The following ANKH variants were observed in gnomAD, a reference collection of about 807,000 sequenced individuals.
ANKH encodes the protein mineralization regulator ANKH.
ANKH carries 15 observed loss-of-function variants against 49.0 expected under a neutral mutation model. The ratio of observed to expected loss-of-function variants is 0.31; its 90% confidence interval spans 0.20 to 0.47. ANKH has a LOEUF of 0.47. Ranked by LOEUF, ANKH falls within the 20% of genes least tolerant of loss-of-function variation. ANKH has a pLI of 1.00. For missense variants in ANKH, 429 were observed against 652.0 expected (o/e 0.66, Z 3.72); for synonymous variants, 273 against 260.0 (o/e 1.05, Z -0.48).
At chr5:14,838,614 C>T (rs963096120) in intron 1 of ANKH, among the ~76,000 whole-genome samples, 10 of 151,992 alleles carry the variant, frequency 6.6e-5, no homozygotes, top group Non-Finnish European at 1.3e-4. Flanking sequence ...TGCTTGGGGG[C>T]GCCAGAGAGG....
chr5:14,753,836 T>C (rs780930871), intron 4 of ANKH, among the ~76,000 whole-genome samples: 1 of 152,168 alleles, frequency 6.6e-6, no homozygotes, highest in Non-Finnish European at 1.5e-5. Flanking sequence ...CCTCGAGAAT[T>C]GCCATTGAAA....
At chr5:14,842,428 G>C (rs1054158212) in intron 1 of ANKH, among the ~76,000 whole-genome samples, 1 of 152,110 alleles carries the variant, frequency 6.6e-6, no homozygotes, top group Non-Finnish European at 1.5e-5. Context: ...AAGCCAGTTC[G>C]GCAATGTCTT....
intron 8 of ANKH, among the ~76,000 whole-genome samples, chr5:14,735,543 C>T (rs575077383): frequency 6.6e-6 from 1 of 152,176 alleles, no homozygotes; most frequent in African/African-American, 2.4e-5. Context: ...AACTGGGTGA[C>T]TCTGAGCAAC....
chr5:14,821,146 C>T (rs1225356580), intron 1 of ANKH, among the ~76,000 whole-genome samples: 1 of 151,636 alleles, frequency 6.6e-6, no homozygotes, highest in Non-Finnish European at 1.5e-5. Context: ...ATGCCAAGAC[C>T]TTATTAAAGC....
At chr5:14,864,322 G>A (rs1735583190) in intron 1 of ANKH, among the ~76,000 whole-genome samples, 1 of 152,174 alleles carries the variant, frequency 6.6e-6, no homozygotes, top group Non-Finnish European at 1.5e-5. Flanking sequence ...AGATAGATTA[G>A]TATCTAGGCT....
intron 6 of ANKH, among the ~76,000 whole-genome samples, chr5:14,748,935 T>C (rs900339559): frequency 1.3e-5 from 2 of 152,262 alleles, no homozygotes; most frequent in Non-Finnish European, 2.9e-5. Flanking sequence ...GTTCCTCATA[T>C]GATAAACAAG....
At chr5:14,832,332 A>C (rs1226199896) in intron 1 of ANKH, among the ~76,000 whole-genome samples, 1 of 152,224 alleles carries the variant, frequency 6.6e-6, no homozygotes, top group Non-Finnish European at 1.5e-5. Flanking sequence ...ATGTGCAAAT[A>C]AATATGCTTT....
At chr5:14,759,881 A>G (rs1739022669) in intron 2 of ANKH, among the ~76,000 whole-genome samples, 1 of 151,960 alleles carries the variant, frequency 6.6e-6, no homozygotes, top group Admixed American at 6.6e-5. Context: ...AAGGAAAAGA[A>G]AGACAAGAAA....
chr5:14,830,197 C>G (rs977527074), intron 1 of ANKH, among the ~76,000 whole-genome samples: 1 of 152,180 alleles, frequency 6.6e-6, no homozygotes, highest in Non-Finnish European at 1.5e-5. Flanking sequence ...GTTACATAGA[C>G]GTCCTTCTGT....
At chr5:14,808,235 T>C (rs893663817) in intron 1 of ANKH, among the ~76,000 whole-genome samples, 4 of 151,036 alleles carry the variant, frequency 2.6e-5, no homozygotes, top group Admixed American at 1.3e-4. Flanking sequence ...TCTTCCAGCA[T>C]TTTTTTCTAC....
chr5:14,724,560 A>G, intron 8 of ANKH: 1 of 985,428 alleles, frequency 1.0e-6, no homozygotes, highest in Non-Finnish European at 1.2e-6. Context: ...GGGTCTTACT[A>G]TGCTACAGTC....
At chr5:14,834,482 T>A (rs1741597975) in intron 1 of ANKH, among the ~76,000 whole-genome samples, 2 of 152,148 alleles carry the variant, frequency 1.3e-5, no homozygotes, top group Admixed American at 6.5e-5. Flanking sequence ...AAGATTATTT[T>A]AAAAATATAA....
intron 8 of ANKH, 184 bp downstream of exon 8, chr5:14,741,643 G>A: frequency 1.7e-6 from 1 of 590,778 alleles, no homozygotes; most frequent in Non-Finnish European, 3.0e-6. Flanking sequence ...TTTATTCCTA[G>A]ACTCAAGGGC....
intron 1 of ANKH, among the ~76,000 whole-genome samples, chr5:14,847,212 A>G (rs1289118098): frequency 6.6e-6 from 1 of 152,152 alleles, no homozygotes; most frequent in Non-Finnish European, 1.5e-5. Context: ...TATTGGGGAA[A>G]AGAAAGAGAG....
At chr5:14,821,722 A>C (rs1272927178) in intron 1 of ANKH, among the ~76,000 whole-genome samples, 1 of 152,258 alleles carries the variant, frequency 6.6e-6, no homozygotes, top group Admixed American at 6.5e-5. Context: ...CACTGTGACT[A>C]TAACTGGAGT....
Position 14,781,828 on chromosome 5 carries a change from T to A in ANKH, c.97-12637A>T, listed in dbSNP as rs529126113. Among the ~76,000 whole-genome samples the A allele has an allele frequency of 4.6e-5, 7 of 152,346 alleles. No homozygotes were observed. The East Asian group carries it at 1.2e-3, about 25-fold the overall frequency. ...TCACAGCTTTACTACATTTCCTAATTTTTTATACTTACAAAGAGAGATGGT... is the reference window on the plus strand; with the variant it reads ...TCACAGCTTTACTACATTTCCTAATATTTTATACTTACAAAGAGAGATGGT... On this transcript the variant is annotated intron_variant, in intron 1 of 11. Coordinates refer to ENST00000284268, the MANE Select transcript of ANKH (RefSeq NM_054027.6).
At chr5:14,739,214 C>T (rs1054334304) in intron 8 of ANKH, among the ~76,000 whole-genome samples, 9 of 152,056 alleles carry the variant, frequency 5.9e-5, no homozygotes, top group Admixed American at 1.3e-4. Flanking sequence ...GTCAGGAGTT[C>T]GAGACCAGCC....
chr5:14,779,714 G>T (rs1251399096), intron 1 of ANKH, among the ~76,000 whole-genome samples: 1 of 152,198 alleles, frequency 6.6e-6, no homozygotes, highest in Admixed American at 6.5e-5. Context: ...TAGAATCTAT[G>T]AACTTAAAAT....
At chr5:14,768,645 C>T (rs1161963053) in intron 2 of ANKH, 1 of 390,670 alleles carries the variant, frequency 2.6e-6, no homozygotes. Flanking sequence ...ATTTAATGAC[C>T]CAGTACAATG....
Sources: allele counts gnomAD v4.1 joint callset (sites outside exome capture counted in the v4.1 genomes callset), GRCh38; gene constraint gnomAD v4.1.1; transcripts MANE v1.5; gene names NCBI Gene and HGNC (gene_info 2026-07-23, HGNC 2026-07-21).